SRRM3: variants seen among roughly 807,000 people sequenced by gnomAD.
The protein encoded by SRRM3 is serine/arginine repetitive matrix protein 3.
Under a neutral mutation model 66.2 loss-of-function variants are expected in SRRM3, and 27 were observed. The ratio of observed to expected loss-of-function variants is 0.41; its 90% CI spans 0.30 to 0.56. SRRM3 has a LOEUF of 0.56. SRRM3 is among the 20% of genes least tolerant of loss of function. The probability of loss-of-function intolerance (pLI) is 0.32; values close to 1 mark genes in which losing one functional copy is unlikely to be tolerated. For missense variants in SRRM3, 918 were observed against 991.9 expected (o/e 0.93, Z 1.00); for synonymous variants, 391 against 414.9 (o/e 0.94, Z 0.70).
intron 1 of SRRM3, among the ~76,000 whole-genome samples, chr7:76,207,139 AT>A (rs1800320417): frequency 1.3e-5 from 2 of 151,324 alleles, no homozygotes; most frequent in African/African-American, 4.9e-5. Context: ...CTAAAAAAAA[AT>A]AAAAATAAAA....
Position 76,285,476 on chromosome 7 carries a change from G to T in SRRM3, c.1734-139G>T. On this transcript the variant is annotated intron_variant, in intron 14 of 14. Transcript: ENST00000611745. The surrounding 1 kb of genome is among the most constrained non-coding windows in gnomAD (Gnocchi z 4.1). Reference sequence around the variant, plus strand: ...AACATGGAATTTGCAAGTAACCAATGACCGTCAGATTCCATTTGGAGAAGG... The same window carrying T: ...AACATGGAATTTGCAAGTAACCAATTACCGTCAGATTCCATTTGGAGAAGG... 1.5e-6 allele frequency: 1 copy of T among 663,938 alleles called. No homozygotes were observed. Among genetic ancestry groups the T allele is most frequent in the South Asian group, 2.0e-5 (1 of 50,850 alleles). 41.1% of individuals were successfully genotyped at this position (663,938 alleles called of 1,614,324 possible).
chr7:76,215,231 CA>C (rs576767272), intron 1 of SRRM3, among the ~76,000 whole-genome samples: 1 of 150,474 alleles, frequency 6.6e-6, no homozygotes, highest in East Asian at 1.9e-4. Flanking sequence ...GAAACAACAA[CA>C]AAAAAAACTA....
intron 3 of SRRM3, among the ~76,000 whole-genome samples, chr7:76,248,814 T>C (rs1220440474): frequency 2.0e-5 from 3 of 151,902 alleles, no homozygotes; most frequent in African/African-American, 4.8e-5. Context: ...ACCCTGTCTC[T>C]ACTAAAAATA....
chr7:76,204,395 T>C (rs1800243999), intron 1 of SRRM3, among the ~76,000 whole-genome samples: 1 of 152,160 alleles, frequency 6.6e-6, no homozygotes, highest in Non-Finnish European at 1.5e-5. Context: ...TCTCATCTCA[T>C]CCTCACATAA....
chr7:76,244,756 C>T (rs1801395427), intron 2 of SRRM3, among the ~76,000 whole-genome samples: 1 of 152,130 alleles, frequency 6.6e-6, no homozygotes, highest in Non-Finnish European at 1.5e-5. Context: ...CCTATGGTAG[C>T]GCAACACCAG....
At chr7:76,284,683 A>G (rs1723449499) in intron 14 of SRRM3, among the ~76,000 whole-genome samples, 1 of 152,036 alleles carries the variant, frequency 6.6e-6, no homozygotes, top group Admixed American at 6.6e-5. Context: ...GCACCCACTC[A>G]GCCCCTCTCC....
At chr7:76,214,977 A>G (rs1800522933) in intron 1 of SRRM3, among the ~76,000 whole-genome samples, 2 of 151,576 alleles carry the variant, frequency 1.3e-5, no homozygotes, top group Admixed American at 6.6e-5. Context: ...TTAAAATTCT[A>G]AATAAGTCAT....
chr7:76,232,522 A>G (rs1168784743), intron 1 of SRRM3, among the ~76,000 whole-genome samples: 5 of 152,002 alleles, frequency 3.3e-5, no homozygotes, highest in African/African-American at 1.2e-4. Context: ...CAGTGAGTCA[A>G]GATTGCACCA....
At chr7:76,270,891 CT>C (rs1802193380) in intron 11 of SRRM3, among the ~76,000 whole-genome samples, 1 of 151,580 alleles carries the variant, frequency 6.6e-6, no homozygotes, top group African/African-American at 2.4e-5. Context: ...AGGAGGATCG[CT>C]TGAACCCAGG....
chr7:76,215,658 A>C (rs1583870322), intron 1 of SRRM3, among the ~76,000 whole-genome samples: 7 of 118,696 alleles, frequency 5.9e-5, no homozygotes, highest in East Asian at 2.4e-4. Flanking sequence ...ACAGAGTTTC[A>C]CTCTTGTCGC....
In SRRM3 at chr7:76,259,944, C is replaced by T; in HGVS notation, c.374C>T (p.Pro125Leu). Residue 125 changes from proline to leucine, a missense_variant, in exon 4 of 15, where the codon CCG (proline) becomes CTG (leucine). Transcript: ENST00000611745. ...CCGCGGCTGACCGAGGGCGCTGAGC[C>T]GGGCCTGGAGTACGCGCCCTTTGAC... ...ETPRLTEGAE[P>L]GLEYAPFDDD... 6.2e-7 allele frequency: 1 copy of T among 1,602,012 alleles called. No individual in the cohort carries two copies. The highest frequency in any genetic ancestry group is 8.5e-7 in the Non-Finnish European group (1 of 1,179,486).
rs376301172 is a variant in SRRM3 at position 76,261,434 on chromosome 7, C to T, written c.638+20C>T. 6 of 1,603,018 alleles carry T rather than the reference C, an allele frequency of 3.7e-6. No homozygotes were observed. The South Asian group carries it at 4.5e-5, about 12-fold the overall frequency. ...AGACAGGTACCCTTGCTGCCCCCAC[C>T]CTGGGGCCTCCTCTTCCTCCCGTGG... On this transcript the variant is annotated intron_variant, in intron 7 of 14. Transcript: ENST00000611745.
At chr7:76,209,039 C>A (rs1800368469) in intron 1 of SRRM3, among the ~76,000 whole-genome samples, 1 of 152,110 alleles carries the variant, frequency 6.6e-6, no homozygotes, top group African/African-American at 2.4e-5. Context: ...GTCAAGGCTG[C>A]AACGAGCTAT....
At chr7:76,248,641 C>T (rs1169110920) in intron 3 of SRRM3, among the ~76,000 whole-genome samples, 1 of 152,096 alleles carries the variant, frequency 6.6e-6, no homozygotes, top group African/African-American at 2.4e-5. Flanking sequence ...TGTCTCTGGC[C>T]GACAAAGTGA....
intron 2 of SRRM3, among the ~76,000 whole-genome samples, chr7:76,235,988 A>C (rs1230213346): frequency 8.4e-6 from 1 of 118,494 alleles, no homozygotes; most frequent in Non-Finnish European, 1.7e-5. Context: ...CCTGGGCAAC[A>C]GATCGAGATT....
intron 11 of SRRM3, among the ~76,000 whole-genome samples, chr7:76,281,091 A>C (rs1354616850): frequency 1.2e-4 from 13 of 107,126 alleles, no homozygotes; most frequent in East Asian, 2.8e-4. Context: ...TCTCCCTCTC[A>C]CTCTGTCTCT....
intron 5 of SRRM3, 40 bp from the exon 6 acceptor site, chr7:76,260,834 A>G: frequency 1.3e-6 from 2 of 1,552,142 alleles, no homozygotes; most frequent in Non-Finnish European, 1.7e-6. Context: ...AACTAACCCC[A>G]TCCATCCGTC....
chr7:76,268,892 C>T, intron 11 of SRRM3: 1 of 152,480 alleles, frequency 6.6e-6, no homozygotes, highest in Admixed American at 6.5e-5. Flanking sequence ...ATCCCCCACC[C>T]CTGTGGGCAT....
At chr7:76,210,011 G>T (rs1487071410) in intron 1 of SRRM3, among the ~76,000 whole-genome samples, 1 of 152,210 alleles carries the variant, frequency 6.6e-6, no homozygotes, top group African/African-American at 2.4e-5. Flanking sequence ...CCTGCAATAG[G>T]GTAGGAGGCA....
Sources: gnomAD v4.1 joint callset for allele counts (sites outside exome capture counted in the v4.1 genomes callset) on GRCh38, gnomAD v4.1.1 for gene constraint, Gnocchi (gnomAD v3.1) non-coding constraint, MANE v1.5 for transcripts, NCBI Gene and HGNC (gene_info 2026-07-23, HGNC 2026-07-21) for gene names.